The following ARL3 variants were observed in gnomAD, a reference collection of about 807,000 sequenced individuals.
ARL3 encodes ARF like GTPase 3, also known as ADP-ribosylation factor-like protein 3.
A neutral mutation model predicts 26.0 loss-of-function variants in ARL3; 9 were observed. That is an observed-to-expected ratio of 0.35 (90% confidence interval 0.21 to 0.60). The LOEUF is 0.60. Among genes scored for constraint, ARL3 ranks in the 20% least tolerant of loss-of-function variants. The pLI, the probability that ARL3 is intolerant of heterozygous loss-of-function variation, is 0.78. For synonymous variants in ARL3, 71 were observed against 78.4 expected (o/e 0.91, Z 0.50); for missense variants, 158 against 215.7 (o/e 0.73, Z 1.67).
At chr10:102,708,908 A>ATATATATATATATATAT in intron 1 of ARL3, among the ~76,000 whole-genome samples, 40 of 95,310 alleles carry the variant, frequency 4.2e-4, no homozygotes, top group African/African-American at 1.3e-3. Context: ...ATATATATAT[A>ATATATATATATATATAT]TTTTTTTTTT....
intron 3 of ARL3, among the ~76,000 whole-genome samples, chr10:102,691,375 TG>T (rs1158192694): frequency 6.6e-6 from 1 of 150,896 alleles, no homozygotes; most frequent in Non-Finnish European, 1.5e-5. Flanking sequence ...ATGCGGTGTT[TG>T]GTTTTTTGTT....
chr10:102,684,313 T>TG, intron 5 of ARL3, among the ~76,000 whole-genome samples: 1 of 152,024 alleles, frequency 6.6e-6, no homozygotes, highest in African/African-American at 2.4e-5. Context: ...CACACCCGGC[T>TG]AATTTTTTTG....
intron 1 of ARL3, among the ~76,000 whole-genome samples, chr10:102,711,354 G>GTA (rs1440546588): frequency 1.3e-5 from 2 of 148,592 alleles, no homozygotes; most frequent in African/African-American, 4.9e-5. Flanking sequence ...ATATATATAT[G>GTA]TATGTATATG....
intron 3 of ARL3, among the ~76,000 whole-genome samples, chr10:102,692,796 T>A (rs1478572232): frequency 6.6e-6 from 1 of 151,832 alleles, no homozygotes; most frequent in Non-Finnish European, 1.5e-5. Flanking sequence ...GCAAGCTCCA[T>A]CTTCTGGGTT....
At chr10:102,701,200 T>A (rs949104077) in intron 2 of ARL3, among the ~76,000 whole-genome samples, 3 of 152,170 alleles carry the variant, frequency 2.0e-5, no homozygotes, top group East Asian at 3.8e-4. Context: ...GAATTTTTTT[T>A]AAAGTCTTCT....
At chr10:102,696,339 C>A (rs902943373) in intron 3 of ARL3, among the ~76,000 whole-genome samples, 2 of 148,004 alleles carry the variant, frequency 1.4e-5, no homozygotes, top group African/African-American at 5.0e-5. Flanking sequence ...AATCTTGGCT[C>A]ACTGCAACCT....
chr10:102,677,693 C>T (rs2064137033), intron 5 of ARL3, among the ~76,000 whole-genome samples: 1 of 152,174 alleles, frequency 6.6e-6, no homozygotes, highest in South Asian at 2.1e-4. Context: ...GAGGTGAACT[C>T]CTTCCCAACC....
chr10:102,676,881 A>T lies in ARL3; in HGVS notation c.*13T>A, dbSNP rs758778515. 6.2e-7 allele frequency: 1 copy of T among 1,613,814 alleles called. No individual in the cohort carries two copies. The highest frequency in any genetic ancestry group is 1.1e-5 in the South Asian group (1 of 91,072). On this transcript the variant is annotated 3_prime_UTR_variant, in exon 6 of 6. Transcript: ENST00000260746. The stretch of plus-strand genomic sequence containing the variant: ...CGGCTCCCGCAGCTCCTGCATCTCC[A>T]TTCGTCTAGATTTTATTTCTTCTTT...
intron 5 of ARL3, among the ~76,000 whole-genome samples, chr10:102,681,916 C>A: frequency 6.6e-6 from 1 of 152,138 alleles, no homozygotes; most frequent in East Asian, 1.9e-4. Context: ...GTTTGGGGTT[C>A]AAGTTCAGGT....
In ARL3 at chr10:102,674,781, C is replaced by T. The variant is rs1050385158; in HGVS notation, c.*2113G>A. On this transcript the variant is annotated 3_prime_UTR_variant, in exon 6 of 6. Coordinates refer to ENST00000260746, the MANE Select transcript of ARL3 (RefSeq NM_004311.4). The stretch of plus-strand genomic sequence containing the variant: ...AAGGGAAGATGAAAGCGTGTGACAT[C>T]TGCAGTGTCTCTGTGTCTCTGCAGC... 2.6e-5 allele frequency: 4 copies of T among 152,236 alleles called. No homozygotes were observed. The highest frequency in any genetic ancestry group is 9.6e-5 in the African/African-American group (4 of 41,454). The allele number at this position is 152,236 out of a possible 1,614,324, so 9.4% of individuals were successfully genotyped here. A position where few individuals can be genotyped will look rare whatever the true frequency, so the allele number is the denominator to read the frequency against.
intron 3 of ARL3, among the ~76,000 whole-genome samples, chr10:102,691,270 C>T (rs1703117746): frequency 9.0e-6 from 1 of 111,580 alleles, no homozygotes; most frequent in Non-Finnish European, 1.8e-5. Context: ...TATCCCTCCC[C>T]CCTCCCCCCA....
intron 3 of ARL3, among the ~76,000 whole-genome samples, chr10:102,695,215 G>T (rs1373925889): frequency 1.3e-5 from 2 of 152,168 alleles, no homozygotes; most frequent in Non-Finnish European, 2.9e-5. Flanking sequence ...TATAAATCAA[G>T]TTGGGTATAA....
At chr10:102,694,526 G>A (rs936325616) in intron 3 of ARL3, among the ~76,000 whole-genome samples, 6 of 152,102 alleles carry the variant, frequency 3.9e-5, no homozygotes, top group African/African-American at 1.4e-4. Flanking sequence ...GGGTAAGGAT[G>A]GGTCTAGATT....
At chr10:102,708,034 C>T (rs2064318679) in intron 1 of ARL3, among the ~76,000 whole-genome samples, 1 of 152,094 alleles carries the variant, frequency 6.6e-6, no homozygotes, top group Non-Finnish European at 1.5e-5. Context: ...CCACCTCAGC[C>T]TCTCCAGTAG....
At chr10:102,678,594 C>T (rs547204381) in intron 5 of ARL3, among the ~76,000 whole-genome samples, 17 of 152,330 alleles carry the variant, frequency 1.1e-4, no homozygotes, top group East Asian at 9.6e-4. Context: ...CTCTCCTCTA[C>T]GGAGGCTCGC....
chr10:102,689,846 A>G (rs761120200), intron 4 of ARL3, 47 bp downstream of exon 4: 3 of 1,245,514 alleles, frequency 2.4e-6, no homozygotes, highest in African/African-American at 3.1e-5. Context: ...AAAAAAGTAC[A>G]TACATATATA....
chr10:102,699,225 A>C, intron 3 of ARL3, 148 bp downstream of exon 3: 1 of 637,296 alleles, frequency 1.6e-6, no homozygotes. Flanking sequence ...TTTCCTTTAT[A>C]ATCTGTAGCC....
chr10:102,686,563 C>T (rs2064188022), intron 4 of ARL3, among the ~76,000 whole-genome samples: 1 of 149,266 alleles, frequency 6.7e-6, no homozygotes, highest in Non-Finnish European at 1.5e-5. Flanking sequence ...CTCCCAGGTT[C>T]AAGCAATTCT....
At chr10:102,695,289 G>C (rs2064241119) in intron 3 of ARL3, among the ~76,000 whole-genome samples, 1 of 152,122 alleles carries the variant, frequency 6.6e-6, no homozygotes, top group Non-Finnish European at 1.5e-5. Flanking sequence ...TATTTACCTA[G>C]ATCTTCTTTA....
Sources: allele counts gnomAD v4.1 joint callset (sites outside exome capture counted in the v4.1 genomes callset), GRCh38; gene constraint gnomAD v4.1.1; transcripts MANE v1.5; gene names NCBI Gene and HGNC (gene_info 2026-07-23, HGNC 2026-07-21).